ZFR2: variants seen among roughly 807,000 people sequenced by gnomAD.
The protein encoded by ZFR2 is zinc finger RNA-binding protein 2.
In ZFR2, 104 loss-of-function variants were observed where a neutral mutation model predicts 105.7. That is an observed-to-expected ratio of 0.98 (90% CI 0.84 to 1.16). The LOEUF (loss-of-function observed/expected upper bound fraction) is 1.16. Among genes scored for constraint, ZFR2 ranks in the 50% most tolerant of loss-of-function variants. The probability of loss-of-function intolerance (pLI) is 0.00; values close to 1 mark genes in which losing one functional copy is unlikely to be tolerated. For synonymous variants in ZFR2, 634 were observed against 597.7 expected, an observed-to-expected ratio of 1.06 and a Z score of -0.89; for missense variants, 1,425 against 1,355.5, an observed-to-expected ratio of 1.05 and a Z score of -0.80.
chr19:3,846,728 CAATT>C (rs1295070383), intron 1 of ZFR2, among the ~76,000 whole-genome samples: 1 of 152,200 alleles, frequency 6.6e-6, no homozygotes, highest in Non-Finnish European at 1.5e-5. Flanking sequence ...GAAAATATCA[CAATT>C]CATTCACCTG....
intron 1 of ZFR2, among the ~76,000 whole-genome samples, chr19:3,841,780 G>C (rs748447722): frequency 1.3e-5 from 2 of 151,800 alleles, no homozygotes; most frequent in Non-Finnish European, 1.5e-5. Flanking sequence ...ACTCCAGCCT[G>C]GGCCACAGAG....
In ZFR2 at chr19:3,806,022, C is replaced by T. The variant is rs761422552; in HGVS notation, c.2747G>A (p.Arg916Gln). ...GCCCTCCTCTCCCTCGCCAGGTCCC[C>T]GTTGCCTCTTCCGGAAGCGGGCCCC... ...RLGARFRKRQ[R>Q]GPGEGEEGAG... Residue 916 changes from arginine to glutamine, a missense_variant, in exon 19 of 19, where the codon CGG (arginine) becomes CAG (glutamine). Physicochemically the swap from Arg to Gln is conservative, Grantham distance 43. Transcript: ENST00000262961. 13 of 1,545,976 alleles carry T rather than the reference C, an allele frequency of 8.4e-6. No homozygotes were observed. The highest frequency in any genetic ancestry group is 2.7e-5 in the African/African-American group (2 of 72,746).
intron 1 of ZFR2, among the ~76,000 whole-genome samples, chr19:3,841,641 C>T (rs2038134240): frequency 6.6e-6 from 1 of 151,582 alleles, no homozygotes; most frequent in Non-Finnish European, 1.5e-5. Flanking sequence ...ACCCTGTCAC[C>T]ACAAAAAATT....
At chr19:3,827,037 T>A (rs1285587538) in intron 6 of ZFR2, among the ~76,000 whole-genome samples, 1 of 151,448 alleles carries the variant, frequency 6.6e-6, no homozygotes, top group Non-Finnish European at 1.5e-5. Context: ...AGGTCAGGAG[T>A]TCGAGACCAG....
intron 1 of ZFR2, among the ~76,000 whole-genome samples, chr19:3,837,507 G>GTGACCGTGACACTCGATGAACACCA (rs1371358196): frequency 1.4e-5 from 2 of 145,204 alleles, no homozygotes; most frequent in Non-Finnish European, 3.0e-5. Flanking sequence ...AATGAACACC[G>GTGACCGTGACACTCGATGAACACCA]TGACCGTGAC....
At position 3,867,103 on chromosome 19, in the gene ZFR2, A is replaced by G. The variant is rs549729608; in HGVS notation, c.53+1862T>C. Among the ~76,000 whole-genome samples, 6 of 152,066 alleles carry G rather than the reference A, an allele frequency of 3.9e-5. No individual in the cohort carries two copies. The South Asian group carries it at 1.2e-3, about 32-fold the overall frequency. ...GCGGGAAGCTGAAACACCAGCCTGG[A>G]TCTCTCTTCCATGTGCTGAAATGCA... is the stretch of plus-strand genomic sequence containing the variant. On this transcript the variant is annotated intron_variant, in intron 1 of 18. Coordinates refer to ENST00000262961, the MANE Select transcript of ZFR2 (RefSeq NM_015174.2).
chr19:3,868,352 C>T (rs2038458257), intron 1 of ZFR2, among the ~76,000 whole-genome samples: 1 of 150,668 alleles, frequency 6.6e-6, no homozygotes, highest in Non-Finnish European at 1.5e-5. Context: ...GGCACCCTCC[C>T]AGGTCTGTGT....
chr19:3,824,767 T>A (rs961588575), intron 7 of ZFR2, among the ~76,000 whole-genome samples: 2 of 152,092 alleles, frequency 1.3e-5, no homozygotes, highest in African/African-American at 4.8e-5. Flanking sequence ...TGAAACCCTG[T>A]CTCTACGAAA....
intron 1 of ZFR2, among the ~76,000 whole-genome samples, chr19:3,837,568 A>C (rs1185334345): frequency 6.6e-6 from 1 of 150,752 alleles, no homozygotes; most frequent in Admixed American, 6.6e-5. Context: ...TGACCGTGAC[A>C]CCCAATGAAC....
At chr19:3,851,198 C>A (rs2038234613) in intron 1 of ZFR2, among the ~76,000 whole-genome samples, 1 of 152,124 alleles carries the variant, frequency 6.6e-6, no homozygotes, top group Non-Finnish European at 1.5e-5. Flanking sequence ...ACGAGACACA[C>A]AGGGGCCAGA....
intron 16 of ZFR2, among the ~76,000 whole-genome samples, chr19:3,809,977 G>A (rs1011605721): frequency 6.6e-6 from 1 of 151,962 alleles, no homozygotes; most frequent in African/African-American, 2.4e-5. Context: ...GTAAAAAAGA[G>A]ACTTAATCTC....
At chr19:3,822,794 T>A (rs2037909554) in intron 8 of ZFR2, among the ~76,000 whole-genome samples, 3 of 151,882 alleles carry the variant, frequency 2.0e-5, no homozygotes, top group African/African-American at 4.8e-5. Context: ...CCAACCGGGG[T>A]CTGAACTGCC....
rs996390287 is a variant in ZFR2, at chr19:3,848,210, G to A, written c.54-13227C>T. Among the ~76,000 whole-genome samples, 16 of 152,186 alleles carry A rather than the reference G, an allele frequency of 1.1e-4. No individual in the cohort carries two copies. In the South Asian group the frequency reaches 1.2e-3, roughly 12 times the overall value. On this transcript the variant is annotated intron_variant, in intron 1 of 18. Coordinates refer to ENST00000262961, the MANE Select transcript of ZFR2 (RefSeq NM_015174.2). ...GTGGATCACCTGATGTCAGGAGTTC[G>A]AGACCAGCCTGGCCAACATGGTGAA... is the stretch of plus-strand genomic sequence containing the variant.
At position 3,806,131 on chromosome 19, in the gene ZFR2, G is replaced by A. The variant is rs2037693954; in HGVS notation, c.2644-6C>T. On this transcript the variant is annotated splice_region_variant and splice_polypyrimidine_tract_variant and intron_variant, in intron 18 of 18. Transcript: ENST00000262961. ...GCCAGCATTCGCAGGGCGTGCTGCG[G>A]GGCACACACAGCCTGTCAGGACCCC... The A allele has an allele frequency of 7.0e-7, 1 of 1,433,158 alleles. No individual in the cohort carries two copies. The highest frequency in any genetic ancestry group is 9.1e-7 in the Non-Finnish European group (1 of 1,094,232). 88.8% of individuals were successfully genotyped at this position (1,433,158 alleles called of 1,614,324 possible). A position where few individuals can be genotyped will look rare whatever the true frequency, so the allele number is the denominator to read the frequency against.
At position 3,805,824 on chromosome 19, in the gene ZFR2, T is replaced by C. The variant is rs1242899785; in HGVS notation, c.*125A>G. The C allele has an allele frequency of 1.7e-6, 2 of 1,173,106 alleles. No individual in the cohort carries two copies. Among genetic ancestry groups the C allele is most frequent in the African/African-American group, 3.2e-5 (2 of 62,306 alleles). The allele number at this position is 1,173,106 out of a possible 1,614,324, so 72.7% of individuals were successfully genotyped here. Reference sequence around the variant, plus strand: ...AAGCACAGGTGTTTTAAAGGAAACCTACAGAGCGTTACTCAAAAGGAAATG... The same window carrying C: ...AAGCACAGGTGTTTTAAAGGAAACCCACAGAGCGTTACTCAAAAGGAAATG... On this transcript the variant is annotated 3_prime_UTR_variant, in exon 19 of 19. Coordinates refer to ENST00000262961, the MANE Select transcript of ZFR2 (RefSeq NM_015174.2).
Position 3,868,988 on chromosome 19 carries a change from C to CA in ZFR2, c.29_30insT (p.Gln11AlafsTer93), listed in dbSNP as rs752330280. On this transcript the variant is annotated frameshift_variant, in exon 1 of 19. Transcript: ENST00000262961. LOFTEE classifies it high-confidence loss of function. ...ACCTGTACTGCGGGCCGCCGCCCTG[C>CA]GCGAAGTCGAAATACTGACTCGTCG... 2 of 1,377,476 alleles carry CA rather than the reference C, an allele frequency of 1.5e-6. No individual in the cohort carries two copies. Among genetic ancestry groups the CA allele is most frequent in the South Asian group, 3.5e-5 (2 of 57,514 alleles). 85.3% of individuals were successfully genotyped at this position (1,377,476 alleles called of 1,614,324 possible).
intron 14 of ZFR2, among the ~76,000 whole-genome samples, chr19:3,812,366 C>T (rs947895622): frequency 1.3e-4 from 20 of 152,094 alleles, no homozygotes; most frequent in Non-Finnish European, 1.9e-4. Context: ...AGAGGTGGGC[C>T]GCTGTGCCCG....
chr19:3,825,007 C>G (rs2037933204), intron 7 of ZFR2, among the ~76,000 whole-genome samples: 1 of 152,178 alleles, frequency 6.6e-6, no homozygotes, highest in South Asian at 2.1e-4. Context: ...TGCCAGCACT[C>G]TCTGGAAATG....
Position 3,808,943 on chromosome 19 carries a change from G to A in ZFR2, c.2474C>T (p.Ala825Val). The stretch of plus-strand genomic sequence containing the variant: ...TGCATCCCCGGGGCCCAGGGGCCCA[G>A]CCGCACTGCTCACAGCCTTCTCCAC... The part of the protein sequence containing the change: ...LLVEKAVSSA[A>V]GPLGPGDAVR... The change falls in exon 17 of 19, where the codon GCT becomes GTT. Residue 825 changes from alanine (A) to valine (V), a missense_variant. Transcript: ENST00000262961. 4 of 1,571,858 alleles carry A rather than the reference G, an allele frequency of 2.5e-6. No individual in the cohort carries two copies. Among genetic ancestry groups the A allele is most frequent in the Non-Finnish European group, 3.4e-6 (4 of 1,160,854 alleles).
Sources: allele counts gnomAD v4.1 joint callset (sites outside exome capture counted in the v4.1 genomes callset), GRCh38; gene constraint gnomAD v4.1.1; transcripts MANE v1.5; gene names NCBI Gene and HGNC (gene_info 2026-07-23, HGNC 2026-07-21).